Variants in HS6ST3 observed in about 807,000 individuals in gnomAD.
The protein encoded by HS6ST3 is heparan-sulfate 6-O-sulfotransferase 3.
A neutral mutation model predicts 36.7 loss-of-function variants in HS6ST3; 12 were observed. That is an observed-to-expected ratio of 0.33 (90% confidence interval 0.21 to 0.53). The LOEUF (loss-of-function observed/expected upper bound fraction) is 0.53. Among genes scored for constraint, HS6ST3 ranks in the 20% least tolerant of loss-of-function variants. The pLI is 0.95. For synonymous variants in HS6ST3, 240 were observed against 257.5 expected (o/e 0.93, Z 0.65); for missense variants, 584 against 640.9 (o/e 0.91, Z 0.96).
At chr13:96,693,834 C>T (rs1875046004) in intron 1 of HS6ST3, among the ~76,000 whole-genome samples, 1 of 152,058 alleles carries the variant, frequency 6.6e-6, no homozygotes, top group Admixed American at 6.6e-5. Context: ...GAAACAGAGA[C>T]TTTTCTTTAA....
At chr13:96,272,066 A>G (rs1281871034) in intron 1 of HS6ST3, among the ~76,000 whole-genome samples, 1 of 152,060 alleles carries the variant, frequency 6.6e-6, no homozygotes, top group African/African-American at 2.4e-5. Flanking sequence ...AAAGTCTGTA[A>G]CACAGCCATT....
intron 1 of HS6ST3, among the ~76,000 whole-genome samples, chr13:96,803,498 AC>A (rs1878130914): frequency 1.3e-5 from 2 of 152,184 alleles, no homozygotes. Context: ...ATTAATCCTC[AC>A]CGTACCCAGA....
chr13:96,790,055 T>G (rs1877745817), intron 1 of HS6ST3, among the ~76,000 whole-genome samples: 1 of 152,030 alleles, frequency 6.6e-6, no homozygotes, highest in African/African-American at 2.4e-5. Context: ...AAATACTTGT[T>G]GGTATTTTCC....
chr13:96,235,754 G>C (rs954537295), intron 1 of HS6ST3, among the ~76,000 whole-genome samples: 5 of 152,092 alleles, frequency 3.3e-5, no homozygotes, highest in African/African-American at 1.2e-4. Context: ...TTGAAGATTA[G>C]CTCCTGATGC....
At chr13:96,195,556 G>A (rs1322546709) in intron 1 of HS6ST3, among the ~76,000 whole-genome samples, 1 of 152,166 alleles carries the variant, frequency 6.6e-6, no homozygotes, top group African/African-American at 2.4e-5. Flanking sequence ...CAACAGCTAT[G>A]TGTGGGACTC....
intron 1 of HS6ST3, among the ~76,000 whole-genome samples, chr13:96,171,621 G>A (rs960228038): frequency 6.6e-6 from 1 of 152,146 alleles, no homozygotes; most frequent in Non-Finnish European, 1.5e-5. Flanking sequence ...TCTAACTCCT[G>A]TGGCAGAGGT....
intron 1 of HS6ST3, among the ~76,000 whole-genome samples, chr13:96,171,843 A>G (rs1264640581): frequency 1.3e-5 from 2 of 152,206 alleles, no homozygotes; most frequent in African/African-American, 4.8e-5. Flanking sequence ...TTACTTACTA[A>G]GGGAATATGG....
At position 96,375,259 on chromosome 13, in the gene HS6ST3, CAA is replaced by C. The variant is rs375880486; in HGVS notation, c.707+283691_707+283692del. On this transcript the variant is annotated intron_variant, in intron 1 of 1. Coordinates refer to ENST00000376705, the MANE Select transcript of HS6ST3 (RefSeq NM_153456.4). ...ACCTGTCCCTTCACCTGTTCCCCTC[CAA>C]CTCCTAGGTGCTTCCCGTCACTCTG... 3.3e-5 allele frequency among the ~76,000 whole-genome samples: 5 copies of C among 151,456 alleles called. No homozygotes were observed. In the East Asian group the frequency reaches 7.8e-4, roughly 24 times the overall value.
intron 1 of HS6ST3, among the ~76,000 whole-genome samples, chr13:96,610,859 A>G (rs1261289824): frequency 1.3e-5 from 2 of 151,466 alleles, no homozygotes; most frequent in African/African-American, 2.4e-5. Context: ...AAATGAAAAA[A>G]AAAAACAAAA....
At chr13:96,747,613 A>G (rs1876592157) in intron 1 of HS6ST3, among the ~76,000 whole-genome samples, 1 of 152,078 alleles carries the variant, frequency 6.6e-6, no homozygotes, top group Non-Finnish European at 1.5e-5. Flanking sequence ...TTTATATCCC[A>G]TTATATTATG....
At chr13:96,396,540 T>A (rs1034384051) in intron 1 of HS6ST3, among the ~76,000 whole-genome samples, 1 of 152,220 alleles carries the variant, frequency 6.6e-6, no homozygotes, top group Admixed American at 6.5e-5. Flanking sequence ...GTTTCCTTGA[T>A]GTCTTCCTTT....
At chr13:96,394,507 T>A (rs2055411332) in intron 1 of HS6ST3, among the ~76,000 whole-genome samples, 1 of 152,172 alleles carries the variant, frequency 6.6e-6, no homozygotes, top group East Asian at 1.9e-4. Context: ...GTAGTCTCAG[T>A]TTTAAGTCAG....
intron 1 of HS6ST3, among the ~76,000 whole-genome samples, chr13:96,789,711 C>G (rs563796841): frequency 6.6e-6 from 1 of 150,398 alleles, no homozygotes; most frequent in Admixed American, 6.6e-5. Flanking sequence ...TCTTTTCTTT[C>G]AACATTTAAA....
chr13:96,383,996 G>T (rs1030552305), intron 1 of HS6ST3, among the ~76,000 whole-genome samples: 1 of 152,286 alleles, frequency 6.6e-6, no homozygotes. Flanking sequence ...ACAACAGTGT[G>T]GGAGTGGCAC....
intron 1 of HS6ST3, among the ~76,000 whole-genome samples, chr13:96,759,664 T>C (rs1422049586): frequency 2.0e-5 from 3 of 151,974 alleles, no homozygotes; most frequent in Non-Finnish European, 4.4e-5. Flanking sequence ...TATAAGTATA[T>C]AATTTTTAAC....
At chr13:96,799,460 G>T (rs1029490073) in intron 1 of HS6ST3, among the ~76,000 whole-genome samples, 3 of 152,038 alleles carry the variant, frequency 2.0e-5, no homozygotes, top group African/African-American at 4.8e-5. Flanking sequence ...CATAAAACAT[G>T]ATGAGTTCAT....
At chr13:96,526,143 C>T (rs2056113245) in intron 1 of HS6ST3, among the ~76,000 whole-genome samples, 1 of 152,090 alleles carries the variant, frequency 6.6e-6, no homozygotes, top group Non-Finnish European at 1.5e-5. Context: ...TTGGGAACTA[C>T]AGCTTGTTCA....
chr13:96,444,338 A>C (rs1243782334), intron 1 of HS6ST3, among the ~76,000 whole-genome samples: 1 of 152,198 alleles, frequency 6.6e-6, no homozygotes. Flanking sequence ...TTCACATGGC[A>C]TGTAGGTTTT....
chr13:96,501,438 C>G (rs2056003969), intron 1 of HS6ST3, among the ~76,000 whole-genome samples: 1 of 152,218 alleles, frequency 6.6e-6, no homozygotes, highest in Admixed American at 6.5e-5. Flanking sequence ...AATTCTGGCT[C>G]ATGCCAAGTG....
Sources: allele counts gnomAD v4.1 joint callset (sites outside exome capture counted in the v4.1 genomes callset), GRCh38; gene constraint gnomAD v4.1.1; transcripts MANE v1.5; gene names NCBI Gene and HGNC (gene_info 2026-07-23, HGNC 2026-07-21).